CNOT6: variants seen among roughly 807,000 people sequenced by gnomAD.
CNOT6 encodes the protein CCR4-NOT transcription complex subunit 6, also known as carbon catabolite repression 4 protein.
A neutral mutation model predicts 61.2 loss-of-function variants in CNOT6; 12 were observed. The observed-to-expected ratio is 0.20, with a 90% CI of 0.13 to 0.32. CNOT6 has a LOEUF of 0.32. Among genes scored for constraint, CNOT6 ranks in the 10% least tolerant of loss-of-function variants. The pLI, the probability that CNOT6 is intolerant of heterozygous loss-of-function variation, is 1.00. For synonymous variants in CNOT6, 225 were observed against 240.6 expected (o/e 0.94, Z 0.60); for missense variants, 405 against 663.9 (o/e 0.61, Z 4.28).
At chr5:180,514,759 A>G (rs1757556481) in intron 1 of CNOT6, among the ~76,000 whole-genome samples, 1 of 152,194 alleles carries the variant, frequency 6.6e-6, no homozygotes, top group Non-Finnish European at 1.5e-5. Flanking sequence ...TACTCAGTAA[A>G]TATTTGTTGA....
At chr5:180,565,670 T>C in intron 6 of CNOT6, 150 bp from the exon 7 acceptor site, 1 of 608,290 alleles carries the variant, frequency 1.6e-6, no homozygotes, top group Non-Finnish European at 2.7e-6. Context: ...CTTTTATTTA[T>C]CCCCCATATG....
At chr5:180,534,171 G>GA in intron 2 of CNOT6, 1 of 153,664 alleles carries the variant, frequency 6.5e-6, no homozygotes. Flanking sequence ...AGAGAGAAAT[G>GA]AGGGGAGTTT....
chr5:180,517,373 C>G (rs1162401982), intron 1 of CNOT6, among the ~76,000 whole-genome samples: 1 of 152,120 alleles, frequency 6.6e-6, no homozygotes, highest in Non-Finnish European at 1.5e-5. Context: ...AAGCTATCTG[C>G]TCACCTCAGC....
intron 1 of CNOT6, among the ~76,000 whole-genome samples, chr5:180,499,474 G>A (rs1756768164): frequency 6.6e-6 from 1 of 152,160 alleles, no homozygotes; most frequent in Non-Finnish European, 1.5e-5. Context: ...TAAATTATTG[G>A]AATTGGAATA....
Position 180,503,601 on chromosome 5 carries a change from CTTT to C in CNOT6, c.-3+8860_-3+8862del, listed in dbSNP as rs56187510. Among the ~76,000 whole-genome samples the C allele has an allele frequency of 7.0e-3, 464 of 66,126 alleles. 5 individuals are homozygous for C. Among genetic ancestry groups the C allele is most frequent in the Middle Eastern group, 0.033 (2 of 60 alleles). 43.4% of individuals were successfully genotyped at this position (66,126 alleles called of 152,430 possible). On this transcript the variant is annotated intron_variant, in intron 1 of 11. Transcript: ENST00000261951. ...TCTTACTGACACTGTGCCCTACTTC[CTTT>C]TTTTTTTTTTTTTTTTTTTTTGAGA...
rs1760979153 is a variant in CNOT6, at chr5:180,575,863, A to C, written c.*1663A>C. On this transcript the variant is annotated 3_prime_UTR_variant, in exon 12 of 12. Coordinates refer to ENST00000261951, the MANE Select transcript of CNOT6 (RefSeq NM_001370472.1). ...CTCTTACTAACAATTTTTATACAGA[A>C]AATGAGTCATTTTGGAAATGATTCT... 1 of 152,414 alleles carries C rather than the reference A, an allele frequency of 6.6e-6. No individual in the cohort carries two copies. Among genetic ancestry groups the C allele is most frequent in the Non-Finnish European group, 1.5e-5 (1 of 67,994 alleles). 9.4% of individuals were successfully genotyped at this position (152,414 alleles called of 1,614,324 possible).
intron 2 of CNOT6, among the ~76,000 whole-genome samples, chr5:180,535,483 T>C (rs561241120): frequency 4.6e-5 from 7 of 152,358 alleles, no homozygotes; most frequent in Non-Finnish European, 7.3e-5. Flanking sequence ...GCACAAGATA[T>C]GCTTTCATTC....
At chr5:180,511,383 G>A (rs1253200795) in intron 1 of CNOT6, among the ~76,000 whole-genome samples, 2 of 151,986 alleles carry the variant, frequency 1.3e-5, no homozygotes, top group Admixed American at 6.6e-5. Flanking sequence ...AGGCTGAGGC[G>A]GGTGGATCAC....
intron 2 of CNOT6, chr5:180,534,046 A>G (rs1758541319): frequency 6.5e-6 from 1 of 152,894 alleles, no homozygotes. Context: ...GGAAGACAAT[A>G]TTCTCCCAAT....
chr5:180,565,689 A>G (rs1760413507), intron 6 of CNOT6, 131 bp from the exon 7 acceptor site: 4 of 780,458 alleles, frequency 5.1e-6, no homozygotes, highest in Non-Finnish European at 7.9e-6. Context: ...TGTGGCGTAC[A>G]GTAGCTTTTC....
chr5:180,539,034 G>T (rs1389479564), intron 2 of CNOT6, among the ~76,000 whole-genome samples: 1 of 151,654 alleles, frequency 6.6e-6, no homozygotes, highest in Non-Finnish European at 1.5e-5. Context: ...AATGAGCTGG[G>T]TGTGGTGGTA....
chr5:180,526,160 T>G (rs1468502044), intron 1 of CNOT6, among the ~76,000 whole-genome samples: 1 of 152,098 alleles, frequency 6.6e-6, no homozygotes, highest in East Asian at 1.9e-4. Context: ...CTTGAATGGG[T>G]TTAACTGGGA....
chr5:180,541,440 A>ATT lies in CNOT6; in HGVS notation c.113-8491_113-8490insTT, dbSNP rs1176286473. ...CATGAACCACCACAACTGGCCAAGA[A>ATT]ATTTTTTTTTTTTTTTTTTTTTTTT... is the stretch of plus-strand genomic sequence containing the variant. On this transcript the variant is annotated intron_variant, in intron 2 of 11. Coordinates refer to ENST00000261951, the MANE Select transcript of CNOT6 (RefSeq NM_001370472.1). 3.3e-4 allele frequency among the ~76,000 whole-genome samples: 34 copies of ATT among 102,922 alleles called. 2 individuals carry two copies. Among genetic ancestry groups the ATT allele is most frequent in the Admixed American group, 4.5e-4 (4 of 8,964 alleles). 67.5% of individuals were successfully genotyped at this position (102,922 alleles called of 152,430 possible).
intron 1 of CNOT6, among the ~76,000 whole-genome samples, chr5:180,511,746 A>G (rs1757405891): frequency 6.6e-6 from 1 of 152,024 alleles, no homozygotes; most frequent in African/African-American, 2.4e-5. Context: ...AGCCTGGGCA[A>G]CAGAGTGAGA....
intron 1 of CNOT6, among the ~76,000 whole-genome samples, chr5:180,507,107 A>G (rs1015553455): frequency 1.3e-5 from 2 of 152,148 alleles, no homozygotes; most frequent in African/African-American, 4.8e-5. Flanking sequence ...AAGGATGACT[A>G]GGGGCCTTTT....
intron 1 of CNOT6, among the ~76,000 whole-genome samples, chr5:180,507,950 A>G (rs1273784391): frequency 6.6e-6 from 1 of 152,124 alleles, no homozygotes; most frequent in Non-Finnish European, 1.5e-5. Context: ...GGGAAAAGCC[A>G]CCCCTGTAAT....
intron 2 of CNOT6, 35 bp from the exon 3 acceptor site, chr5:180,549,896 T>C: frequency 6.8e-7 from 1 of 1,477,404 alleles, no homozygotes; most frequent in African/African-American, 1.4e-5. Context: ...TAGAGAAAAC[T>C]ATATAATCCG....
At chr5:180,507,027 T>C (rs1757160791) in intron 1 of CNOT6, among the ~76,000 whole-genome samples, 1 of 152,212 alleles carries the variant, frequency 6.6e-6, no homozygotes, top group African/African-American at 2.4e-5. Flanking sequence ...AGTAAACTTC[T>C]GTGTTTGGGA....
Position 180,575,416 on chromosome 5 carries a change from A to G in CNOT6, c.*1216A>G, listed in dbSNP as rs1760960282. 1.3e-5 allele frequency: 2 copies of G among 151,098 alleles called. No individual in the cohort carries two copies. The highest frequency in any genetic ancestry group is 3.0e-5 in the Non-Finnish European group (2 of 67,724). 9.4% of individuals were successfully genotyped at this position (151,098 alleles called of 1,614,324 possible). ...TCACCCAGAATACTACTATCATGTG[A>G]ATTCTTTTTGTCGTCAGTGTCTTTT... On this transcript the variant is annotated 3_prime_UTR_variant, in exon 12 of 12. Transcript: ENST00000261951.
Sources: allele counts gnomAD v4.1 joint callset (sites outside exome capture counted in the v4.1 genomes callset), GRCh38; gene constraint gnomAD v4.1.1; transcripts MANE v1.5; gene names NCBI Gene and HGNC (gene_info 2026-07-23, HGNC 2026-07-21).